The following AVEN variants were observed in gnomAD, a reference collection of about 807,000 sequenced individuals.
AVEN encodes apoptosis and caspase activation inhibitor.
Under a neutral mutation model 38.1 loss-of-function variants are expected in AVEN, and 41 were observed. The ratio of observed to expected loss-of-function variants is 1.08; its 90% CI spans 0.84 to 1.40. The LOEUF is 1.40. Among genes scored for constraint, AVEN ranks in the 40% most tolerant of loss-of-function variants. The probability of loss-of-function intolerance (pLI) is 0.00; values close to 1 mark genes in which losing one functional copy is unlikely to be tolerated. For synonymous variants in AVEN, 206 were observed against 171.8 expected, an observed-to-expected ratio of 1.20 and a Z score of -1.56; for missense variants, 605 against 438.8, an observed-to-expected ratio of 1.38 and a Z score of -3.38.
At chr15:33,860,493 T>G (rs1013397210) in intron 11 of AVEN, 1 of 655,646 alleles carries the variant, frequency 1.5e-6, no homozygotes, top group African/African-American at 1.8e-5. Flanking sequence ...CTTTGATAAT[T>G]CACTTTTTTT....
chr15:33,900,209 C>A (rs4613036), intron 2 of AVEN, among the ~76,000 whole-genome samples: 77,700 of 151,852 alleles, frequency 0.51, 21,578 homozygotes, highest in Middle Eastern at 0.65. Context: ...TAGAAGGTCA[C>A]CTCTCCCACA....
chr15:33,929,341 C>T (rs769511186), intron 2 of AVEN, among the ~76,000 whole-genome samples: 3 of 152,142 alleles, frequency 2.0e-5, no homozygotes, highest in African/African-American at 2.4e-5. Context: ...GTCATACTTC[C>T]TCAAGTCCTG....
intron 2 of AVEN, among the ~76,000 whole-genome samples, chr15:33,915,011 G>A (rs976191547): frequency 8.6e-5 from 13 of 152,028 alleles, no homozygotes; most frequent in Admixed American, 8.5e-4. Flanking sequence ...ATGCATACCA[G>A]AAAGAAAGTA....
chr15:34,063,440 G>A lies in AVEN; in HGVS notation n.1127-8C>T, dbSNP rs1900416608. ...CTGACTCTGTGACCAAAGCTGAGAA[G>A]AGAAAGCCAGCTCATAGGGCTCTGT... On this transcript the variant is annotated splice_polypyrimidine_tract_variant and splice_region_variant and intron_variant and non_coding_transcript_variant, in intron 4 of 11. Transcript: ENST00000675287. This position sits in a 1 kb window ranked among gnomAD's most constrained non-coding sequence, Gnocchi z 4.1. 6.2e-7 allele frequency: 1 copy of A among 1,613,890 alleles called. No individual in the cohort carries two copies.
At position 33,955,128 on chromosome 15, in the gene AVEN, C is replaced by G. The variant is rs72716901; in HGVS notation, c.445+47904G>C. ...AATTTTTTTAAAATGTAATCTATAA[C>G]CTTAAGTGTCAGAAAATACTATACA... On this transcript the variant is annotated intron_variant, in intron 2 of 5. Transcript: ENST00000306730. Among the ~76,000 whole-genome samples the G allele has an allele frequency of 3.4e-3, 511 of 152,252 alleles. 2 individuals are homozygous for G. Among genetic ancestry groups the G allele is most frequent in the Non-Finnish European group, 4.9e-3 (331 of 68,008 alleles).
At chr15:33,939,819 AT>A (rs1894244889) in intron 2 of AVEN, among the ~76,000 whole-genome samples, 1 of 152,158 alleles carries the variant, frequency 6.6e-6, no homozygotes, top group African/African-American at 2.4e-5. Flanking sequence ...AGTAGTTAGG[AT>A]TAGAAGAAGT....
At chr15:33,936,928 G>A (rs901446945) in intron 2 of AVEN, among the ~76,000 whole-genome samples, 2 of 151,842 alleles carry the variant, frequency 1.3e-5, no homozygotes, top group African/African-American at 4.8e-5. Flanking sequence ...TCAGGAGATC[G>A]AGACCATCCT....
chr15:33,945,734 C>A (rs568336548), intron 2 of AVEN, among the ~76,000 whole-genome samples: 1 of 152,188 alleles, frequency 6.6e-6, no homozygotes, highest in South Asian at 2.1e-4. Flanking sequence ...TACAGGTGCA[C>A]ACCACCACGC....
chr15:33,986,130 G>C (rs971521918), intron 2 of AVEN, among the ~76,000 whole-genome samples: 3 of 149,858 alleles, frequency 2.0e-5, no homozygotes, highest in African/African-American at 7.4e-5. Context: ...TTTTTGAGAT[G>C]GACTCTCGCT....
chr15:34,003,253 C>G, intron 1 of AVEN, 44 bp from the exon 2 acceptor site: 1 of 1,593,460 alleles, frequency 6.3e-7, no homozygotes, highest in Non-Finnish European at 8.6e-7. Flanking sequence ...AGTGGAAATC[C>G]TGACCTTAGT....
At position 34,001,652 on chromosome 15, in the gene AVEN, A is replaced by G. The variant is rs75553555; in HGVS notation, c.445+1380T>C. ...AGTGTTACCAGTTCTTGAACAGTCA[A>G]TGAGTTGAGAGCAATCCACAAACCT... On this transcript the variant is annotated intron_variant, in intron 2 of 5. Coordinates refer to ENST00000306730, the MANE Select transcript of AVEN (RefSeq NM_020371.3). Among the ~76,000 whole-genome samples the G allele has an allele frequency of 4.2e-3, 642 of 152,294 alleles. 6 individuals carry two copies. Among genetic ancestry groups the G allele is most frequent in the African/African-American group, 0.014 (598 of 41,568 alleles).
chr15:33,977,450 T>C (rs910921968), intron 2 of AVEN, among the ~76,000 whole-genome samples: 1 of 152,170 alleles, frequency 6.6e-6, no homozygotes, highest in Non-Finnish European at 1.5e-5. Flanking sequence ...TATAATGAAT[T>C]CCGGTTTCAA....
chr15:33,867,898 G>A, intron 4 of AVEN, 43 bp from the exon 5 acceptor site: 1 of 1,523,368 alleles, frequency 6.6e-7, no homozygotes, highest in South Asian at 1.3e-5. Context: ...TGTGAGTCTT[G>A]CCATATTGGC....
chr15:33,896,227 C>T (rs115736151), intron 2 of AVEN, among the ~76,000 whole-genome samples: 2,989 of 152,176 alleles, frequency 0.02, 66 homozygotes, highest in African/African-American at 0.061. Context: ...CATGCACAGA[C>T]GCAGGAAAAT....
intron 1 of AVEN, among the ~76,000 whole-genome samples, chr15:34,033,162 C>T (rs1370988599): frequency 1.3e-5 from 2 of 152,140 alleles, no homozygotes; most frequent in East Asian, 1.9e-4. Flanking sequence ...GATACTCAAA[C>T]TCACTAGGGA....
intron 2 of AVEN, among the ~76,000 whole-genome samples, chr15:33,883,391 A>C (rs1378563547): frequency 6.6e-6 from 1 of 152,152 alleles, no homozygotes; most frequent in Non-Finnish European, 1.5e-5. Flanking sequence ...TACAACAATG[A>C]TATTTAGCTT....
intron 2 of AVEN, among the ~76,000 whole-genome samples, chr15:34,000,557 C>CT (rs1337389616): frequency 6.6e-6 from 1 of 152,138 alleles, no homozygotes; most frequent in East Asian, 1.9e-4. Flanking sequence ...TCTCAGTTGT[C>CT]TATTTATTTA....
At position 34,061,872 on chromosome 15, in the gene AVEN, A is replaced by C. The variant is rs188200929; in HGVS notation, n.1637+1050T>G. ...TCTTGGCTCACAACGGCACCTCAGTAATGTTTAATAATCAAGACTGGGACT... is the reference window on the plus strand; with the variant it reads ...TCTTGGCTCACAACGGCACCTCAGTCATGTTTAATAATCAAGACTGGGACT... On this transcript the variant is annotated intron_variant and non_coding_transcript_variant, in intron 5 of 11. Coordinates refer to the AVEN transcript ENST00000675287. 3.4e-3 allele frequency among the ~76,000 whole-genome samples: 520 copies of C among 152,278 alleles called. 5 individuals carry two copies. The highest frequency in any genetic ancestry group is 0.012 in the African/African-American group (508 of 41,560).
At chr15:33,963,246 G>A (rs185630290) in intron 2 of AVEN, among the ~76,000 whole-genome samples, 2 of 152,272 alleles carry the variant, frequency 1.3e-5, no homozygotes, top group Non-Finnish European at 2.9e-5. Context: ...CTTTGCATGG[G>A]TTAATCAGAA....
Sources: gnomAD v4.1 joint callset for allele counts (sites outside exome capture counted in the v4.1 genomes callset) on GRCh38, gnomAD v4.1.1 for gene constraint, Gnocchi (gnomAD v3.1) non-coding constraint, MANE v1.5 for transcripts, NCBI Gene and HGNC (gene_info 2026-07-23, HGNC 2026-07-21) for gene names.